The following ST8SIA1 variants were observed in gnomAD, a reference collection of about 807,000 sequenced individuals.
ST8SIA1 encodes alpha-N-acetylneuraminide alpha-2,8-sialyltransferase.
A neutral mutation model predicts 35.9 loss-of-function variants in ST8SIA1; 16 were observed. The observed-to-expected ratio is 0.45, with a 90% confidence interval of 0.30 to 0.68. ST8SIA1 has a LOEUF of 0.68. Ranked by LOEUF, ST8SIA1 falls within the 30% of genes least tolerant of loss-of-function variation. The probability of loss-of-function intolerance (pLI) is 0.09; values close to 1 mark genes in which losing one functional copy is unlikely to be tolerated. For synonymous variants in ST8SIA1, 170 were observed against 169.6 expected, an observed-to-expected ratio of 1.00 and a Z score of -0.02; for missense variants, 383 against 453.6, an observed-to-expected ratio of 0.84 and a Z score of 1.41.
rs1250547185 is a variant in ST8SIA1, at chr12:22,198,089, C to G, written c.*3463G>C. On this transcript the variant is annotated 3_prime_UTR_variant, in exon 5 of 5. Transcript: ENST00000396037. ...TGATCTTTGGAATCAATGCAGTTCTCAAATCGAGGCTAATAAAAACTAAAA... is the reference window on the plus strand; with the variant it reads ...TGATCTTTGGAATCAATGCAGTTCTGAAATCGAGGCTAATAAAAACTAAAA... 1 of 152,132 alleles carries G rather than the reference C, an allele frequency of 6.6e-6. No homozygotes were observed. Among genetic ancestry groups the G allele is most frequent in the Non-Finnish European group, 1.5e-5 (1 of 68,036 alleles). The allele number at this position is 152,132 out of a possible 1,614,324, so 9.4% of individuals were successfully genotyped here.
chr12:22,224,546 T>A (rs906874157), intron 4 of ST8SIA1, among the ~76,000 whole-genome samples: 1 of 152,168 alleles, frequency 6.6e-6, no homozygotes, highest in Non-Finnish European at 1.5e-5. Flanking sequence ...ATTATAAGCA[T>A]GAGCCACTGC....
In ST8SIA1 at chr12:22,334,060, A is replaced by G. The variant is rs1436265862; in HGVS notation, c.173T>C (p.Val58Ala). The G allele has an allele frequency of 1.9e-6, 3 of 1,613,578 alleles. No individual in the cohort carries two copies. The highest frequency in any genetic ancestry group is 2.5e-6 in the Non-Finnish European group (3 of 1,179,926). Residue 58 changes from valine (V) to alanine (A), a missense_variant, in exon 1 of 5, where the codon GTG becomes GCG. Transcript: ENST00000396037. ...CGTGCCCTGTTGCAGCACCCCCTGC[A>G]CGATCTCTTTCTCGTTGGGCAGCCG... ...VYRLPNEKEI[V>A]QGVLQQGTAW...
At chr12:22,216,139 A>G (rs1302797286) in intron 4 of ST8SIA1, among the ~76,000 whole-genome samples, 1 of 152,154 alleles carries the variant, frequency 6.6e-6, no homozygotes, top group African/African-American at 2.4e-5. Flanking sequence ...ACCACAGTTT[A>G]ATTTCAGGTT....
chr12:22,216,305 A>T (rs1195413559), intron 4 of ST8SIA1, among the ~76,000 whole-genome samples: 7 of 152,166 alleles, frequency 4.6e-5, no homozygotes, highest in Non-Finnish European at 1.0e-4. Flanking sequence ...GATAAAGTCT[A>T]AGCATGATAT....
intron 3 of ST8SIA1, among the ~76,000 whole-genome samples, chr12:22,252,932 A>G (rs770636337): frequency 1.3e-5 from 2 of 152,230 alleles, no homozygotes; most frequent in Non-Finnish European, 2.9e-5. Flanking sequence ...ACTTGAAATC[A>G]CTTCTTTGAA....
At position 22,258,134 on chromosome 12, in the gene ST8SIA1, G is replaced by A. The variant is rs531267942; in HGVS notation, c.382-2745C>T. ...GATTTGCTGATACAATGAAAACAGGGCAAGAGAAAAAGAGAGAAATCAGCG... is the reference window on the plus strand; with the variant it reads ...GATTTGCTGATACAATGAAAACAGGACAAGAGAAAAAGAGAGAAATCAGCG... On this transcript the variant is annotated intron_variant, in intron 2 of 4. Transcript: ENST00000396037. Among the ~76,000 whole-genome samples the A allele has an allele frequency of 2.0e-3, 298 of 152,126 alleles. 3 individuals carry two copies. Among genetic ancestry groups the A allele is most frequent in the African/African-American group, 6.8e-3 (281 of 41,508 alleles).
intron 1 of ST8SIA1, among the ~76,000 whole-genome samples, chr12:22,323,830 GAAC>G (rs1245180478): frequency 2.0e-5 from 3 of 152,038 alleles, no homozygotes; most frequent in Non-Finnish European, 4.4e-5. Context: ...ACATTGTGGG[GAAC>G]AACAACACAC....
chr12:22,309,330 C>G (rs889932653), intron 1 of ST8SIA1, among the ~76,000 whole-genome samples: 4 of 152,080 alleles, frequency 2.6e-5, no homozygotes, highest in Admixed American at 6.6e-5. Flanking sequence ...GCTGCCCCTC[C>G]TTTTTGCCTG....
rs576870512 is a variant in ST8SIA1, at chr12:22,229,294, T to C, written c.584+19712A>G. ...TTAACAGTGTTTGTAGATTAATAGATAGGGATGATGACAATGAGGATGTAC... is the reference window on the plus strand; with the variant it reads ...TTAACAGTGTTTGTAGATTAATAGACAGGGATGATGACAATGAGGATGTAC... On this transcript the variant is annotated intron_variant, in intron 4 of 4. Coordinates refer to ENST00000396037, the MANE Select transcript of ST8SIA1 (RefSeq NM_003034.4). 3.9e-5 allele frequency among the ~76,000 whole-genome samples: 6 copies of C among 151,912 alleles called. No individual in the cohort carries two copies. The East Asian group carries it at 9.8e-4, about 25-fold the overall frequency.
At chr12:22,202,222 CTT>C (rs1412613973) in intron 4 of ST8SIA1, among the ~76,000 whole-genome samples, 184 bp from the exon 5 acceptor site, 2 of 152,140 alleles carry the variant, frequency 1.3e-5, no homozygotes, top group African/African-American at 4.8e-5. Flanking sequence ...AATAGCCTGA[CTT>C]TTTCCCTGAC....
At chr12:22,252,529 A>C (rs1565578385) in intron 3 of ST8SIA1, among the ~76,000 whole-genome samples, 1 of 152,234 alleles carries the variant, frequency 6.6e-6, no homozygotes, top group Non-Finnish European at 1.5e-5. Context: ...AAACAGAACT[A>C]TTCTTGAAAT....
chr12:22,277,063 T>C (rs987700639), intron 2 of ST8SIA1, among the ~76,000 whole-genome samples: 3 of 152,156 alleles, frequency 2.0e-5, no homozygotes, highest in Non-Finnish European at 4.4e-5. Flanking sequence ...GGTTGGTGCA[T>C]CCCTAATTAC....
intron 2 of ST8SIA1, among the ~76,000 whole-genome samples, chr12:22,267,065 C>G (rs1865857839): frequency 6.6e-6 from 1 of 152,168 alleles, no homozygotes; most frequent in African/African-American, 2.4e-5. Context: ...CAGTTAAGAA[C>G]ATTTGGCAAG....
chr12:22,237,420 A>G (rs374317168), intron 4 of ST8SIA1, among the ~76,000 whole-genome samples: 1 of 152,134 alleles, frequency 6.6e-6, no homozygotes, highest in African/African-American at 2.4e-5. Flanking sequence ...TGCTTTTTAA[A>G]TAATTTTTTT....
At chr12:22,229,352 C>T (rs1225045433) in intron 4 of ST8SIA1, among the ~76,000 whole-genome samples, 1 of 152,054 alleles carries the variant, frequency 6.6e-6, no homozygotes, top group African/African-American at 2.4e-5. Context: ...CATGGTGGCT[C>T]ATGCCTGTAA....
At chr12:22,230,101 A>G (rs753034652) in intron 4 of ST8SIA1, among the ~76,000 whole-genome samples, 2 of 152,232 alleles carry the variant, frequency 1.3e-5, no homozygotes, top group Non-Finnish European at 2.9e-5. Flanking sequence ...CAATTGTTCA[A>G]ACAAATAGTG....
At chr12:22,262,416 G>A (rs552891589) in intron 2 of ST8SIA1, among the ~76,000 whole-genome samples, 1 of 152,230 alleles carries the variant, frequency 6.6e-6, no homozygotes, top group Non-Finnish European at 1.5e-5. Flanking sequence ...GCAACAAAGA[G>A]CTGGCCAGCT....
intron 1 of ST8SIA1, among the ~76,000 whole-genome samples, chr12:22,328,905 GGAATCAGAATTT>G (rs1240674193): frequency 1.3e-5 from 2 of 152,168 alleles, no homozygotes; most frequent in African/African-American, 4.8e-5. Flanking sequence ...AGCAAGTGAT[GGAATCAGAATTT>G]GAACACAGCT....
intron 1 of ST8SIA1, among the ~76,000 whole-genome samples, chr12:22,305,422 C>T (rs189036540): frequency 1.3e-5 from 2 of 149,826 alleles, no homozygotes; most frequent in East Asian, 2.0e-4. Flanking sequence ...GCTCTGTCTC[C>T]CAGGCTGGAG....
Sources: gnomAD v4.1 joint callset for allele counts (sites outside exome capture counted in the v4.1 genomes callset) on GRCh38, gnomAD v4.1.1 for gene constraint, MANE v1.5 for transcripts, NCBI Gene and HGNC (gene_info 2026-07-23, HGNC 2026-07-21) for gene names.